Variants in PHF7 observed in about 807,000 individuals in gnomAD.
PHF7 encodes the protein PHD finger protein 7, also known as E3 ubiquitin-protein ligase PHF7.
In PHF7, 24 loss-of-function variants were observed where a neutral mutation model predicts 47.5. The ratio of observed to expected loss-of-function variants is 0.51; its 90% CI spans 0.37 to 0.71. The LOEUF (loss-of-function observed/expected upper bound fraction) is 0.71. PHF7 is among the 30% of genes least tolerant of loss of function. The pLI is 0.00. For synonymous variants in PHF7, 156 were observed against 153.8 expected (o/e 1.01, Z -0.11); for missense variants, 361 against 456.8 (o/e 0.79, Z 1.91).
rs1340731129 is a variant in PHF7 at position 52,423,204 on chromosome 3, G to A, written c.1033G>A (p.Asp345Asn). 6.2e-7 allele frequency: 1 copy of A among 1,613,878 alleles called. No individual in the cohort carries two copies. The highest frequency in any genetic ancestry group is 1.3e-5 in the African/African-American group (1 of 74,916). ...AGAGAATCCGGGCCTTTCTTGGACT[G>A]ATTGGCCAGAACCTTCCTTATTAGA... Reference protein sequence around the residue: ...LEENPGLSWTDWPEPSLLEKP... With the variant: ...LEENPGLSWTNWPEPSLLEKP... Residue 345 changes from aspartate to asparagine, a missense_variant, in exon 11 of 11, where the codon GAT (aspartate) becomes AAT (asparagine). Physicochemically the swap from Asp to Asn is conservative, Grantham distance 23 (BLOSUM62 1). Transcript: ENST00000327906.
Position 52,423,639 on chromosome 3 carries a change from C to A in PHF7, c.*322C>A. The A allele has an allele frequency of 4.2e-6, 1 of 236,286 alleles. No homozygotes were observed. The highest frequency in any genetic ancestry group is 5.1e-5 in the Admixed American group (1 of 19,700). The allele number at this position is 236,286 out of a possible 1,614,324, so 14.6% of individuals were successfully genotyped here. A position where few individuals can be genotyped will look rare whatever the true frequency, so the allele number is the denominator to read the frequency against. On this transcript the variant is annotated 3_prime_UTR_variant, in exon 11 of 11. Coordinates refer to ENST00000327906, the MANE Select transcript of PHF7 (RefSeq NM_016483.7). ...TGTTATGCAAATAAAGGTTTTCTCT[C>A]CATTGGTGTCTCCTTATAAATTCAT...
At chr3:52,421,180 G>A in intron 7 of PHF7, 118 bp downstream of exon 7, 1 of 896,586 alleles carries the variant, frequency 1.1e-6, no homozygotes, top group Non-Finnish European at 1.7e-6. Flanking sequence ...CTGGAGGCCT[G>A]TATTGAGGGC....
rs975953881 is a variant in PHF7, at chr3:52,421,945, G to T, written c.680+191G>T. 5.1e-6 allele frequency: 3 copies of T among 591,510 alleles called. No homozygotes were observed. In the Admixed American group the frequency reaches 8.9e-5, roughly 18 times the overall value. 36.6% of individuals were successfully genotyped at this position (591,510 alleles called of 1,614,324 possible). A position where few individuals can be genotyped will look rare whatever the true frequency, so the allele number is the denominator to read the frequency against. On this transcript the variant is annotated intron_variant, in intron 8 of 10. Coordinates refer to ENST00000327906, the MANE Select transcript of PHF7 (RefSeq NM_016483.7). ...GAAGAAGTTTGCGGGGGAATGGGGTGCTTGTTGCTGAAAAGGGCATTTGGG... is the reference window on the plus strand; with the variant it reads ...GAAGAAGTTTGCGGGGGAATGGGGTTCTTGTTGCTGAAAAGGGCATTTGGG...
intron 4 of PHF7, 114 bp downstream of exon 4, chr3:52,414,701 C>G (rs1705567578): frequency 5.0e-6 from 3 of 600,396 alleles, no homozygotes; most frequent in Non-Finnish European, 5.7e-6. Flanking sequence ...TTCTTAATAG[C>G]TTTTTTGTTT....
chr3:52,415,584 A>G (rs1480122416), intron 4 of PHF7, among the ~76,000 whole-genome samples: 2 of 152,196 alleles, frequency 1.3e-5, no homozygotes, highest in Non-Finnish European at 2.9e-5. Flanking sequence ...GTTCTGATCT[A>G]TGGATTATTT....
At chr3:52,422,123 T>A (rs1705808828) in intron 8 of PHF7, 99 bp from the exon 9 acceptor site, 1 of 840,732 alleles carries the variant, frequency 1.2e-6, no homozygotes, top group Non-Finnish European at 2.1e-6. Context: ...TACTGAACTC[T>A]TGCTGTGCTT....
At chr3:52,422,145 T>C in intron 8 of PHF7, 77 bp from the exon 9 acceptor site, 1 of 1,005,026 alleles carries the variant, frequency 9.9e-7, no homozygotes, top group Non-Finnish European at 1.6e-6. Context: ...GCTTGGGCTC[T>C]TCCTAACTCC....
Position 52,414,064 on chromosome 3 carries a change from G to A in PHF7, c.94+16G>A. 6.3e-7 allele frequency: 1 copy of A among 1,598,094 alleles called. No individual in the cohort carries two copies. Among genetic ancestry groups the A allele is most frequent in the Non-Finnish European group, 8.6e-7 (1 of 1,165,466 alleles). ...TCAGGGCCTGGTAAGAAAGACTGGAGCTTGTGTTCGCCCACTGCCTCCAGC... is the reference window on the plus strand; with the variant it reads ...TCAGGGCCTGGTAAGAAAGACTGGAACTTGTGTTCGCCCACTGCCTCCAGC... On this transcript the variant is annotated intron_variant, in intron 3 of 10. Coordinates refer to ENST00000327906, the MANE Select transcript of PHF7 (RefSeq NM_016483.7).
At chr3:52,416,297 T>C (rs1461943481) in intron 4 of PHF7, among the ~76,000 whole-genome samples, 1 of 151,070 alleles carries the variant, frequency 6.6e-6, no homozygotes, top group Non-Finnish European at 1.5e-5. Context: ...GCAATTCTCC[T>C]GCATCAGCCT....
At position 52,422,773 on chromosome 3, in the gene PHF7, A is replaced by G; in HGVS notation, c.811A>G (p.Ile271Val). 6.2e-7 allele frequency: 1 copy of G among 1,614,106 alleles called. No homozygotes were observed. The highest frequency in any genetic ancestry group is 1.6e-4 in the Middle Eastern group (1 of 6,062). Residue 271 changes from isoleucine to valine, a missense_variant, in exon 10 of 11, where the codon ATT (isoleucine) becomes GTT (valine). Physicochemically the swap from Ile to Val is conservative, Grantham distance 29. Transcript: ENST00000327906. ...SFEDEGRWCL[I>V]LCATCGSHGT... The stretch of plus-strand genomic sequence containing the variant: ...CTCTTCCTCTAGGAGGTGGTGCCTC[A>G]TTCTGTGTGCTACATGCGGATCCCA...
chr3:52,422,460 G>A, intron 9 of PHF7, 122 bp downstream of exon 9: 1 of 751,462 alleles, frequency 1.3e-6, no homozygotes, highest in South Asian at 1.5e-5. Context: ...AAACACGATT[G>A]CTAAGTCTCA....
intron 4 of PHF7, among the ~76,000 whole-genome samples, chr3:52,416,407 A>G (rs1384894297): frequency 1.3e-5 from 2 of 149,786 alleles, no homozygotes; most frequent in African/African-American, 2.4e-5. Context: ...GATGGTCTCG[A>G]TCTCTTGACC....
intron 1 of PHF7, among the ~76,000 whole-genome samples, chr3:52,412,173 G>T (rs932086521): frequency 1.1e-4 from 16 of 151,524 alleles, no homozygotes; most frequent in Admixed American, 6.6e-5. Flanking sequence ...CTGCACTCCA[G>T]CCTGGGCAAC....
At chr3:52,420,211 CTAT>C (rs771402249) in intron 5 of PHF7, 97 bp from the exon 6 acceptor site, 2 of 1,307,770 alleles carry the variant, frequency 1.5e-6, no homozygotes, top group African/African-American at 2.9e-5. Context: ...TAGGGAATGG[CTAT>C]TATTTCACAA....
At chr3:52,414,351 C>T in intron 3 of PHF7, 145 bp from the exon 4 acceptor site, 2 of 658,752 alleles carry the variant, frequency 3.0e-6, no homozygotes, top group African/African-American at 1.8e-5. Context: ...CACATAAGAC[C>T]TCATCCCAAC....
At chr3:52,411,652 C>T (rs1288740811) in intron 1 of PHF7, among the ~76,000 whole-genome samples, 1 of 152,228 alleles carries the variant, frequency 6.6e-6, no homozygotes, top group Non-Finnish European at 1.5e-5. Flanking sequence ...TGTCCTTCTC[C>T]TCTCCCCTGA....
intron 4 of PHF7, among the ~76,000 whole-genome samples, chr3:52,416,500 G>A (rs910124598): frequency 4.0e-5 from 6 of 150,214 alleles, no homozygotes; most frequent in Non-Finnish European, 8.9e-5. Context: ...ACATATTTTC[G>A]TTTGTTAAGT....
intron 8 of PHF7, 87 bp from the exon 9 acceptor site, chr3:52,422,135 G>A: frequency 1.1e-6 from 1 of 909,976 alleles, no homozygotes; most frequent in East Asian, 2.4e-5. Context: ...GCTGTGCTTA[G>A]CTTGGGCTCT....
At position 52,421,703 on chromosome 3, in the gene PHF7, G is replaced by A. The variant is rs146357738; in HGVS notation, c.629G>A (p.Arg210Gln). The change falls in exon 8 of 11, where the codon CGA becomes CAA. Residue 210 changes from arginine to glutamine, a missense_variant. Transcript: ENST00000327906. ...TTCAAATGTCCACAGTGTAACAATC[G>A]AAAAGAGTTTCCTCAAGAAATGCTG... ...HFFKCPQCNN[R>Q]KEFPQEMLRM... The A allele has an allele frequency of 1.1e-5, 18 of 1,609,834 alleles. No homozygotes were observed. The highest frequency in any genetic ancestry group is 1.4e-5 in the Non-Finnish European group (17 of 1,176,260).
Sources: allele counts gnomAD v4.1 joint callset (sites outside exome capture counted in the v4.1 genomes callset), GRCh38; gene constraint gnomAD v4.1.1; transcripts MANE v1.5; gene names NCBI Gene and HGNC (gene_info 2026-07-23, HGNC 2026-07-21).